The following GTF2E2 variants were observed in gnomAD, a reference collection of about 807,000 sequenced individuals.
GTF2E2 encodes the protein transcription initiation factor IIE subunit beta.
Under a neutral mutation model 40.5 loss-of-function variants are expected in GTF2E2, and 21 were observed. The ratio of observed to expected loss-of-function variants is 0.52; its 90% CI spans 0.37 to 0.75. The LOEUF (loss-of-function observed/expected upper bound fraction) is 0.75. Ranked by LOEUF, GTF2E2 falls within the 30% of genes least tolerant of loss-of-function variation. The pLI is 0.00. For missense variants in GTF2E2, 298 were observed against 338.4 expected (o/e 0.88, Z 0.94); for synonymous variants, 117 against 121.6 (o/e 0.96, Z 0.25).
chr8:30,605,211 T>C (rs934480155), intron 6 of GTF2E2, among the ~76,000 whole-genome samples: 2 of 152,138 alleles, frequency 1.3e-5, no homozygotes, highest in African/African-American at 4.8e-5. Context: ...AACACTAAAA[T>C]TCCCACTGAG....
Position 30,606,979 on chromosome 8 carries a change from T to A in GTF2E2, c.643+78A>T, listed in dbSNP as rs938002758. On this transcript the variant is annotated intron_variant, in intron 6 of 7. Transcript: ENST00000355904. Reference sequence around the variant, plus strand: ...AAGCAATATAAGATTTAAATTATAATTGTATTATAAATATTAATTTTACCA... The same window carrying A: ...AAGCAATATAAGATTTAAATTATAAATGTATTATAAATATTAATTTTACCA... 2.6e-5 allele frequency: 14 copies of A among 534,200 alleles called. No homozygotes were observed. The African/African-American group carries it at 2.8e-4, about 11-fold the overall frequency. The allele number at this position is 534,200 out of a possible 1,614,324, so 33.1% of individuals were successfully genotyped here. A position where few individuals can be genotyped will look rare whatever the true frequency, so the allele number is the denominator to read the frequency against.
intron 1 of GTF2E2, among the ~76,000 whole-genome samples, chr8:30,654,088 C>CAAA (rs11307086): frequency 4.3e-5 from 5 of 115,290 alleles, no homozygotes; most frequent in East Asian, 2.5e-4. Flanking sequence ...GACCCTTGTT[C>CAAA]AAAAAAAAAA....
At chr8:30,640,253 T>C (rs530561567) in intron 2 of GTF2E2, among the ~76,000 whole-genome samples, 1 of 152,306 alleles carries the variant, frequency 6.6e-6, no homozygotes, top group East Asian at 1.9e-4. Context: ...TAAAAGCACC[T>C]GAGAATTCAA....
At position 30,615,851 on chromosome 8, in the gene GTF2E2, G is replaced by T. The variant is rs149523691; in HGVS notation, c.259-1136C>A. ...TTACCCAAATGAGCCAAAAAATTAT[G>T]TACATACAAAAATCCACTAAGGATG... On this transcript the variant is annotated intron_variant, in intron 3 of 7. Transcript: ENST00000355904. Among the ~76,000 whole-genome samples the T allele has an allele frequency of 2.6e-4, 40 of 152,196 alleles. No individual in the cohort carries two copies. In the East Asian group the frequency reaches 7.5e-3, roughly 29 times the overall value.
intron 1 of GTF2E2, 80 bp downstream of exon 1, chr8:30,657,893 G>C (rs968314057): frequency 2.0e-5 from 3 of 152,296 alleles, no homozygotes; most frequent in African/African-American, 7.2e-5. Context: ...TCAGCCTCCC[G>C]GGAGGCGGCG....
Position 30,612,587 on chromosome 8 carries a change from C to T in GTF2E2, c.367-106G>A, listed in dbSNP as rs572939010. ...TGTCGCCCAGGCTGGAGTGCAGTGG[C>T]GTGATCTCAGCTCACTGCAACCTCC... On this transcript the variant is annotated intron_variant, in intron 4 of 7. Coordinates refer to ENST00000355904, the MANE Select transcript of GTF2E2 (RefSeq NM_002095.6). The T allele has an allele frequency of 1.4e-3, 891 of 627,864 alleles. 6 individuals carry two copies. The African/African-American group carries it at 0.015, about 11-fold the overall frequency. The allele number at this position is 627,864 out of a possible 1,614,324, so 38.9% of individuals were successfully genotyped here.
At chr8:30,624,419 G>C (rs1202435429) in intron 3 of GTF2E2, among the ~76,000 whole-genome samples, 1 of 152,070 alleles carries the variant, frequency 6.6e-6, no homozygotes, top group East Asian at 1.9e-4. Flanking sequence ...CTGTAGCCTT[G>C]TAGTATAGTT....
At chr8:30,592,251 C>T (rs1026193632) in intron 6 of GTF2E2, among the ~76,000 whole-genome samples, 1 of 152,136 alleles carries the variant, frequency 6.6e-6, no homozygotes, top group Non-Finnish European at 1.5e-5. Flanking sequence ...TGGTGACACA[C>T]ACCTGTAGTC....
intron 6 of GTF2E2, among the ~76,000 whole-genome samples, chr8:30,591,433 A>G (rs1828847246): frequency 1.3e-5 from 2 of 152,186 alleles, no homozygotes; most frequent in Non-Finnish European, 2.9e-5. Flanking sequence ...GCAATGAGTT[A>G]TGATAGCATC....
intron 2 of GTF2E2, among the ~76,000 whole-genome samples, chr8:30,650,472 T>C (rs1401982427): frequency 6.8e-6 from 1 of 147,092 alleles, no homozygotes; most frequent in East Asian, 2.0e-4. Flanking sequence ...GATGGATCCC[T>C]TGAAGCGGGG....
In GTF2E2 at chr8:30,590,923, T is replaced by G. The variant is rs141445404; in HGVS notation, c.644-10527A>C. ...CCAAGCTGGTCTCGAACTCCTAACC[T>G]CGGATGATCCACCTGCCTCGGCCTC... On this transcript the variant is annotated intron_variant, in intron 6 of 7. Coordinates refer to ENST00000355904, the MANE Select transcript of GTF2E2 (RefSeq NM_002095.6). Among the ~76,000 whole-genome samples the G allele has an allele frequency of 4.7e-3, 718 of 152,194 alleles. 4 individuals carry two copies. The highest frequency in any genetic ancestry group is 8.4e-3 in the Non-Finnish European group (569 of 68,006).
chr8:30,636,496 T>C (rs1801603122), intron 2 of GTF2E2, among the ~76,000 whole-genome samples: 1 of 152,244 alleles, frequency 6.6e-6, no homozygotes, highest in African/African-American at 2.4e-5. Flanking sequence ...GTATCCTTTT[T>C]TGAGACTAAA....
At chr8:30,595,834 A>G (rs1828985783) in intron 6 of GTF2E2, among the ~76,000 whole-genome samples, 1 of 152,182 alleles carries the variant, frequency 6.6e-6, no homozygotes, top group South Asian at 2.1e-4. Context: ...AAGAAAAAAG[A>G]AAAGAAAGGA....
chr8:30,638,787 T>C (rs1801699113), intron 2 of GTF2E2: 1 of 152,312 alleles, frequency 6.6e-6, no homozygotes, highest in African/African-American at 2.4e-5. Flanking sequence ...TTGGTAGGAT[T>C]TTATTATGAA....
chr8:30,627,448 C>CAAAAAA (rs71539905), intron 3 of GTF2E2, among the ~76,000 whole-genome samples: 3 of 64,760 alleles, frequency 4.6e-5, no homozygotes, highest in African/African-American at 1.3e-4. Flanking sequence ...ACCTCTCTTG[C>CAAAAAA]AAAAAAAAAA....
At chr8:30,581,994 C>CA (rs1306273012) in intron 6 of GTF2E2, among the ~76,000 whole-genome samples, 1 of 152,168 alleles carries the variant, frequency 6.6e-6, no homozygotes, top group African/African-American at 2.4e-5. Context: ...CTAGACAAGA[C>CA]AGACTGTTTT....
At chr8:30,603,860 G>A (rs1247035431) in intron 6 of GTF2E2, among the ~76,000 whole-genome samples, 2 of 151,988 alleles carry the variant, frequency 1.3e-5, no homozygotes, top group Admixed American at 6.6e-5. Flanking sequence ...GTGCACCATA[G>A]AGAAAATAAC....
intron 6 of GTF2E2, among the ~76,000 whole-genome samples, chr8:30,595,291 G>A (rs532568356): frequency 8.6e-5 from 13 of 151,868 alleles, no homozygotes; most frequent in Admixed American, 2.6e-4. Context: ...CCCATAACAC[G>A]CCCTAAACAC....
At chr8:30,615,957 G>A (rs183864006) in intron 3 of GTF2E2, among the ~76,000 whole-genome samples, 4 of 152,292 alleles carry the variant, frequency 2.6e-5, no homozygotes, top group South Asian at 2.1e-4. Context: ...TAAATAAACC[G>A]TGGTATATCC....
Sources: gnomAD v4.1 joint callset for allele counts (sites outside exome capture counted in the v4.1 genomes callset) on GRCh38, gnomAD v4.1.1 for gene constraint, MANE v1.5 for transcripts, NCBI Gene and HGNC (gene_info 2026-07-23, HGNC 2026-07-21) for gene names.